The following TPD52L2 variants were observed in gnomAD, a reference collection of about 807,000 sequenced individuals.
TPD52L2 encodes TPD52 like 2.
TPD52L2 carries 19 observed loss-of-function variants against 24.7 expected under a neutral mutation model. The ratio of observed to expected loss-of-function variants is 0.77; its 90% CI spans 0.54 to 1.13. The LOEUF is 1.13. Ranked by LOEUF, TPD52L2 falls within the 50% of genes most tolerant of loss-of-function variation. TPD52L2 has a pLI of 0.00. For synonymous variants in TPD52L2, 104 were observed against 100.2 expected (o/e 1.04, Z -0.23); for missense variants, 236 against 250.4 (o/e 0.94, Z 0.39).
chr20:63,890,906 T>G lies in TPD52L2; in HGVS notation c.*961T>G, dbSNP rs2053298940. On this transcript the variant is annotated 3_prime_UTR_variant, in exon 7 of 7. Transcript: ENST00000346249. ...GGAAAACCCTGTCTTTAGCACCCTT[T>G]AAAAGAACTGTGCCCCCCTTCTCAG... 1 of 152,568 alleles carries G rather than the reference T, an allele frequency of 6.6e-6. No homozygotes were observed. Among genetic ancestry groups the G allele is most frequent in the East Asian group, 1.9e-4 (1 of 5,328 alleles). The allele number at this position is 152,568 out of a possible 1,614,324, so 9.5% of individuals were successfully genotyped here.
At chr20:63,865,458 G>T in intron 1 of TPD52L2, 74 bp downstream of exon 1, 1 of 1,480,398 alleles carries the variant, frequency 6.8e-7, no homozygotes, top group Non-Finnish European at 9.0e-7. Flanking sequence ...CCGGGGTCGC[G>T]TCTGCGACTC....
chr20:63,889,851 C>T lies in TPD52L2; in HGVS notation c.527C>T (p.Ser176Phe). The change falls in exon 7 of 7, where the codon TCT becomes TTT. Residue 176 changes from serine (S) to phenylalanine (F), a missense_variant and splice_region_variant. Physicochemically the swap from Ser to Phe is radical, Grantham distance 155. Coordinates refer to ENST00000346249, the MANE Select transcript of TPD52L2 (RefSeq NM_003288.4). ...GTCTTCATCTTTTCTCTCCTGTAGT[C>T]TAAGGTTGTGGGTGACAGAGAGAAC... ...SFEDRVGTIK[S>F]KVVGDRENGS... The T allele has an allele frequency of 6.2e-7, 1 of 1,613,986 alleles. No homozygotes were observed. Among genetic ancestry groups the T allele is most frequent in the Non-Finnish European group, 8.5e-7 (1 of 1,179,900 alleles).
chr20:63,886,821 T>A (rs2053141219), intron 5 of TPD52L2: 2 of 152,126 alleles, frequency 1.3e-5, no homozygotes, highest in South Asian at 4.1e-4. Context: ...ATTTTTGTAT[T>A]TTTAGTAGAG....
intron 5 of TPD52L2, among the ~76,000 whole-genome samples, chr20:63,884,505 G>A (rs1333451695): frequency 1.3e-5 from 2 of 152,190 alleles, no homozygotes; most frequent in South Asian, 4.1e-4. Context: ...GAATAGCCGT[G>A]CACAAGCCAG....
intron 4 of TPD52L2, among the ~76,000 whole-genome samples, chr20:63,876,183 G>C (rs1372564769): frequency 1.3e-5 from 2 of 152,168 alleles, no homozygotes; most frequent in Non-Finnish European, 2.9e-5. Flanking sequence ...GAGCTCCTTG[G>C]CTTCCGGCAG....
At chr20:63,886,514 G>A (rs190527325) in intron 5 of TPD52L2, among the ~76,000 whole-genome samples, 9,511 of 151,700 alleles carry the variant, frequency 0.063, 401 homozygotes, top group Non-Finnish European at 0.095. Flanking sequence ...GGCGCCCGCC[G>A]CCACGCCCGG....
chr20:63,869,788 C>G (rs1407281856), intron 2 of TPD52L2, among the ~76,000 whole-genome samples: 2 of 152,166 alleles, frequency 1.3e-5, no homozygotes, highest in Non-Finnish European at 2.9e-5. Context: ...TTTTTAAGAC[C>G]CCATGAATCT....
intron 5 of TPD52L2, chr20:63,887,596 C>T: frequency 6.2e-7 from 1 of 1,613,416 alleles, no homozygotes. Flanking sequence ...ATAAGTATGC[C>T]AGCCATGAGG....
intron 5 of TPD52L2, among the ~76,000 whole-genome samples, chr20:63,886,459 C>T (rs559959629): frequency 4.6e-5 from 7 of 151,906 alleles, no homozygotes; most frequent in South Asian, 2.1e-4. Flanking sequence ...CTCCCGGGTT[C>T]ACGCCATTCT....
intron 5 of TPD52L2, chr20:63,886,014 A>C: frequency 6.2e-7 from 1 of 1,614,126 alleles, no homozygotes; most frequent in Non-Finnish European, 8.5e-7. Flanking sequence ...GCCACCTTCC[A>C]GGGCTCATCC....
Position 63,891,333 on chromosome 20 carries a change from C to G in TPD52L2, c.*1388C>G, listed in dbSNP as rs1177082550. 1 of 152,522 alleles carries G rather than the reference C, an allele frequency of 6.6e-6. No individual in the cohort carries two copies. Among genetic ancestry groups the G allele is most frequent in the African/African-American group, 2.4e-5 (1 of 41,432 alleles). 9.4% of individuals were successfully genotyped at this position (152,522 alleles called of 1,614,324 possible). A position where few individuals can be genotyped will look rare whatever the true frequency, so the allele number is the denominator to read the frequency against. On this transcript the variant is annotated 3_prime_UTR_variant, in exon 7 of 7. Transcript: ENST00000346249. This position sits in a 1 kb window ranked among gnomAD's most constrained non-coding sequence, Gnocchi z 4.7. ...CTGACAGCCGTGTCCCCGGACAGTT[C>G]AGACACCCTTGGGGATGGCACTCCA...
intron 2 of TPD52L2, among the ~76,000 whole-genome samples, chr20:63,870,098 G>A (rs998009403): frequency 2.6e-4 from 39 of 152,244 alleles, no homozygotes; most frequent in African/African-American, 9.4e-4. Context: ...CTGCACAGCA[G>A]CCTGGGTGAC....
intron 2 of TPD52L2, among the ~76,000 whole-genome samples, chr20:63,872,558 A>G (rs1206157177): frequency 6.8e-6 from 1 of 146,958 alleles, no homozygotes; most frequent in Non-Finnish European, 1.5e-5. Flanking sequence ...TTGTATTTTT[A>G]GTAGAGACGG....
intron 1 of TPD52L2, among the ~76,000 whole-genome samples, chr20:63,868,172 A>C (rs1427400187): frequency 2.0e-5 from 3 of 151,976 alleles, no homozygotes; most frequent in Non-Finnish European, 4.4e-5. Context: ...CTCGGCCTCC[A>C]AAAGTGCTGG....
intron 3 of TPD52L2, among the ~76,000 whole-genome samples, chr20:63,875,386 T>G (rs2052632937): frequency 6.6e-6 from 1 of 152,138 alleles, no homozygotes; most frequent in Admixed American, 6.5e-5. Flanking sequence ...GTGGAATGTT[T>G]CCCAGAAGAC....
At chr20:63,868,122 A>G (rs957635801) in intron 1 of TPD52L2, among the ~76,000 whole-genome samples, 4 of 152,100 alleles carry the variant, frequency 2.6e-5, no homozygotes, top group African/African-American at 7.2e-5. Context: ...CATTTTGGTC[A>G]AGCTGGTCTC....
Position 63,878,200 on chromosome 20 carries a change from G to A in TPD52L2, c.374+2325G>A, listed in dbSNP as rs73327315. Among the ~76,000 whole-genome samples the A allele has an allele frequency of 7.1e-3, 1,076 of 152,364 alleles. 19 individuals carry two copies. Among genetic ancestry groups the A allele is most frequent in the African/African-American group, 0.025 (1,030 of 41,572 alleles). ...TTTGTAGATCCTTTCAGCTATTGGCGCCCTGGAGGATGGACGGGAAGGAGA... is the reference window on the plus strand; with the variant it reads ...TTTGTAGATCCTTTCAGCTATTGGCACCCTGGAGGATGGACGGGAAGGAGA... On this transcript the variant is annotated intron_variant, in intron 4 of 6. Coordinates refer to ENST00000346249, the MANE Select transcript of TPD52L2 (RefSeq NM_003288.4).
At chr20:63,888,214 TG>T (rs1166460688) in intron 5 of TPD52L2, 1 of 155,306 alleles carries the variant, frequency 6.4e-6, no homozygotes, top group East Asian at 1.9e-4. Flanking sequence ...TCCCCGGGCC[TG>T]GGAGGGGTAT....
rs1260070845 is a variant in TPD52L2 at position 63,869,289 on chromosome 20, C to T, written c.20-7C>T. ...GACACTTTGTGGCCTCATTTTGTCT[C>T]TGGCAGATATCAACCTGAATTCTCC... On this transcript the variant is annotated splice_region_variant and splice_polypyrimidine_tract_variant and intron_variant, in intron 1 of 6. Coordinates refer to ENST00000346249, the MANE Select transcript of TPD52L2 (RefSeq NM_003288.4). 2 of 1,614,080 alleles carry T rather than the reference C, an allele frequency of 1.2e-6. No individual in the cohort carries two copies. Among genetic ancestry groups the T allele is most frequent in the East Asian group, 2.2e-5 (1 of 44,882 alleles).
Sources: allele counts gnomAD v4.1 joint callset (sites outside exome capture counted in the v4.1 genomes callset), GRCh38; gene constraint gnomAD v4.1.1; non-coding constraint Gnocchi (gnomAD v3.1); transcripts MANE v1.5; gene names NCBI Gene and HGNC (gene_info 2026-07-23, HGNC 2026-07-21).